The following SCRG1 variants were observed in gnomAD, a reference collection of about 807,000 sequenced individuals.
SCRG1 encodes the protein stimulator of chondrogenesis 1.
SCRG1 carries 3 observed loss-of-function variants against 7.7 expected under a neutral mutation model. The ratio of observed to expected loss-of-function variants is 0.39; its 90% CI spans 0.18 to 1.01. SCRG1 has a LOEUF of 1.01. Among genes scored for constraint, SCRG1 ranks in the 50% least tolerant of loss-of-function variants. The pLI, the probability that SCRG1 is intolerant of heterozygous loss-of-function variation, is 0.36. For missense variants in SCRG1, 110 were observed against 117.2 expected (o/e 0.94, Z 0.28); for synonymous variants, 46 against 41.2 (o/e 1.12, Z -0.44).
chr4:173,409,684 G>C (rs1196683684), upstream of SCRG1, among the ~76,000 whole-genome samples: 1 of 151,120 alleles, frequency 6.6e-6, no homozygotes, highest in East Asian at 1.9e-4. Flanking sequence ...TGCCTCCCAG[G>C]CTCAAGTGAT....
At chr4:173,506,501 G>A in the SCRG1 span, among the ~76,000 whole-genome samples, 1 of 152,220 alleles carries the variant, frequency 6.6e-6, no homozygotes, top group African/African-American at 2.4e-5. This position sits in a 1 kb window ranked among gnomAD's most constrained non-coding sequence, Gnocchi z 5.3. Flanking sequence ...TAGGCACAGA[G>A]ACAGGAAATG....
the SCRG1 span, among the ~76,000 whole-genome samples, chr4:173,467,314 C>T: frequency 6.6e-6 from 1 of 151,988 alleles, no homozygotes; most frequent in Non-Finnish European, 1.5e-5. Flanking sequence ...TCCAGACATC[C>T]TTTATACTAT....
chr4:173,436,658 A>C, the SCRG1 span, among the ~76,000 whole-genome samples: 1 of 152,160 alleles, frequency 6.6e-6, no homozygotes, highest in African/African-American at 2.4e-5. Flanking sequence ...AAAGTGCATA[A>C]GCTATTTGTG....
the SCRG1 span, among the ~76,000 whole-genome samples, chr4:173,444,708 G>A: frequency 6.6e-6 from 1 of 152,110 alleles, no homozygotes; most frequent in Admixed American, 6.5e-5. Context: ...TCTAGGAAAG[G>A]TTTCCTTAAT....
the SCRG1 span, among the ~76,000 whole-genome samples, chr4:173,412,284 A>G: frequency 1.3e-5 from 2 of 152,204 alleles, no homozygotes; most frequent in African/African-American, 4.8e-5. Context: ...TTGGCTGAAT[A>G]TAAGCCATGG....
chr4:173,455,235 G>A, the SCRG1 span, among the ~76,000 whole-genome samples: 1 of 151,982 alleles, frequency 6.6e-6, no homozygotes, highest in Non-Finnish European at 1.5e-5. Flanking sequence ...ACTGGCAGGA[G>A]TCAAACTTTA....
the SCRG1 span, among the ~76,000 whole-genome samples, chr4:173,477,978 C>T: frequency 6.6e-6 from 1 of 152,008 alleles, no homozygotes; most frequent in Non-Finnish European, 1.5e-5. Flanking sequence ...TTATGCTGCC[C>T]AGGCTAGCCT....
At chr4:173,508,118 C>G in the SCRG1 span, among the ~76,000 whole-genome samples, 2 of 152,180 alleles carry the variant, frequency 1.3e-5, no homozygotes, top group African/African-American at 4.8e-5. The surrounding 1 kb of genome is among the most constrained non-coding windows in gnomAD (Gnocchi z 4.4). Context: ...CTGTCGGCTC[C>G]CTCTTCCTGG....
At chr4:173,487,187 T>G in the SCRG1 span, among the ~76,000 whole-genome samples, 1 of 152,192 alleles carries the variant, frequency 6.6e-6, no homozygotes, top group Admixed American at 6.6e-5. Context: ...TTGAGGCAAA[T>G]CATGGACTTA....
the SCRG1 span, among the ~76,000 whole-genome samples, chr4:173,426,324 A>C: frequency 0.41 from 62,752 of 151,894 alleles, 15,208 homozygotes; most frequent in East Asian, 0.6. Context: ...AGAGAAAAAA[A>C]ACACTGGTGT....
At chr4:173,419,835 C>G in the SCRG1 span, 1 of 1,397,622 alleles carries the variant, frequency 7.2e-7, no homozygotes. Context: ...TTGTCCATGC[C>G]TAACCTATTG....
chr4:173,490,153 C>G, the SCRG1 span, among the ~76,000 whole-genome samples: 1 of 152,140 alleles, frequency 6.6e-6, no homozygotes, highest in East Asian at 1.9e-4. Flanking sequence ...CAAAATTTCA[C>G]TAATAATGAT....
chr4:173,447,614 AAAG>A, the SCRG1 span, among the ~76,000 whole-genome samples: 3 of 152,270 alleles, frequency 2.0e-5, no homozygotes, highest in African/African-American at 7.2e-5. Flanking sequence ...TGTGCATATC[AAAG>A]AAGAATAGCT....
At chr4:173,418,061 A>C in the SCRG1 span, among the ~76,000 whole-genome samples, 1 of 152,134 alleles carries the variant, frequency 6.6e-6, no homozygotes, top group Non-Finnish European at 1.5e-5. Flanking sequence ...TGGATGAATA[A>C]TTTGGTGGTG....
the SCRG1 span, among the ~76,000 whole-genome samples, chr4:173,491,430 A>G: frequency 6.6e-6 from 1 of 152,118 alleles, no homozygotes; most frequent in South Asian, 2.1e-4. Context: ...ACCACCTGCC[A>G]CAGAGTGGGA....
At chr4:173,409,931 A>G (rs1216518279), upstream of SCRG1, among the ~76,000 whole-genome samples, 1 of 152,160 alleles carries the variant, frequency 6.6e-6, no homozygotes, top group East Asian at 1.9e-4. Flanking sequence ...GTGAGTGGAT[A>G]TACATGTCAC....
the SCRG1 span, among the ~76,000 whole-genome samples, chr4:173,485,589 C>T: frequency 2.0e-5 from 3 of 152,010 alleles, no homozygotes; most frequent in Non-Finnish European, 4.4e-5. Flanking sequence ...GTTTGTTATA[C>T]CATACTATCT....
At position 173,386,338 on chromosome 4, in the gene SCRG1, CG is replaced by C. The variant is rs1560827175; in HGVS notation, c.*2002del. 1 of 144,822 alleles carries C rather than the reference CG, an allele frequency of 6.9e-6. No individual in the cohort carries two copies. The highest frequency in any genetic ancestry group is 1.5e-5 in the Non-Finnish European group (1 of 66,902). 9.0% of individuals were successfully genotyped at this position (144,822 alleles called of 1,614,324 possible). ...TTTTTTTTTGTATTTTTAGTAGAGA[CG>C]AGGTTTCACCGTATTAGCCAGGATG... is the stretch of plus-strand genomic sequence containing the variant. On this transcript the variant is annotated 3_prime_UTR_variant, in exon 3 of 3. Coordinates refer to ENST00000296506, the MANE Select transcript of SCRG1 (RefSeq NM_007281.4).
chr4:173,464,044 C>T, the SCRG1 span, among the ~76,000 whole-genome samples: 1 of 152,084 alleles, frequency 6.6e-6, no homozygotes, highest in East Asian at 1.9e-4. Flanking sequence ...AGTAAGTTGA[C>T]CAGTGTTTAC....
Sources: allele counts gnomAD v4.1 joint callset (sites outside exome capture counted in the v4.1 genomes callset), GRCh38; gene constraint gnomAD v4.1.1; non-coding constraint Gnocchi (gnomAD v3.1); transcripts MANE v1.5; gene names NCBI Gene and HGNC (gene_info 2026-07-23, HGNC 2026-07-21).